Variants in MYO16 observed in about 807,000 individuals in gnomAD.
MYO16 encodes the protein unconventional myosin-XVI.
MYO16 carries 94 observed loss-of-function variants against 205.3 expected under a neutral mutation model. The ratio of observed to expected loss-of-function variants is 0.46; its 90% CI spans 0.39 to 0.54. The LOEUF (loss-of-function observed/expected upper bound fraction) is 0.54, where lower values mean the gene tolerates loss of function less well. MYO16 is among the 20% of genes least tolerant of loss of function. The pLI is 0.00. For missense variants in MYO16, 2,315 were observed against 2,387.5 expected, an observed-to-expected ratio of 0.97 and a Z score of 0.63; for synonymous variants, 988 against 954.0, an observed-to-expected ratio of 1.04 and a Z score of -0.66.
At chr13:109,004,566 T>G (rs1196791615) in intron 21 of MYO16, among the ~76,000 whole-genome samples, 1 of 152,190 alleles carries the variant, frequency 6.6e-6, no homozygotes, top group Non-Finnish European at 1.5e-5. Flanking sequence ...GCTTGAACAG[T>G]AGGGATGCCA....
intron 6 of MYO16, among the ~76,000 whole-genome samples, chr13:108,801,325 G>A (rs1051527410): frequency 6.6e-6 from 1 of 152,162 alleles, no homozygotes; most frequent in African/African-American, 2.4e-5. Flanking sequence ...CTAAGGGTCT[G>A]TGCAAATACA....
intron 5 of MYO16, 113 bp from the exon 6 acceptor site, chr13:108,793,403 G>A: frequency 1.0e-6 from 1 of 983,770 alleles, no homozygotes; most frequent in Non-Finnish European, 1.5e-6. Context: ...CAAAGTGGAA[G>A]AGAAGCTTCA....
intron 11 of MYO16, among the ~76,000 whole-genome samples, chr13:108,858,042 A>C (rs1369023833): frequency 6.6e-6 from 1 of 152,216 alleles, no homozygotes; most frequent in Non-Finnish European, 1.5e-5. Flanking sequence ...AATCCCCTCT[A>C]ATGGGTAGAC....
At chr13:109,097,155 C>A (rs539849254) in intron 27 of MYO16, among the ~76,000 whole-genome samples, 1 of 152,122 alleles carries the variant, frequency 6.6e-6, no homozygotes, top group Admixed American at 6.5e-5. Context: ...CATGTGAAAC[C>A]CTGTCTCTAC....
chr13:109,051,748 G>C (rs1391220432), intron 24 of MYO16, among the ~76,000 whole-genome samples: 3 of 152,080 alleles, frequency 2.0e-5, no homozygotes, highest in Non-Finnish European at 4.4e-5. Context: ...CAGCTTAACT[G>C]TGTTTTTTGT....
chr13:109,029,784 C>T (rs1166422815), intron 23 of MYO16, among the ~76,000 whole-genome samples: 5 of 152,170 alleles, frequency 3.3e-5, no homozygotes, highest in African/African-American at 1.2e-4. Flanking sequence ...ACTGCTGACA[C>T]GAATTTCCCC....
At chr13:108,670,436 G>A (rs999615325) in intron 2 of MYO16, among the ~76,000 whole-genome samples, 2 of 152,162 alleles carry the variant, frequency 1.3e-5, no homozygotes, top group Non-Finnish European at 2.9e-5. Context: ...GAGAATGGCA[G>A]ATGTGGTATG....
At chr13:108,554,568 A>G in the MYO16 span, among the ~76,000 whole-genome samples, 2 of 152,088 alleles carry the variant, frequency 1.3e-5, no homozygotes, top group African/African-American at 2.4e-5. Context: ...CATCTGTCTC[A>G]GCCGGGCGTG....
chr13:109,055,692 T>A lies in MYO16; in HGVS notation c.3335+97T>A. 3 of 1,090,770 alleles carry A rather than the reference T, an allele frequency of 2.8e-6. No homozygotes were observed. Among genetic ancestry groups the A allele is most frequent in the Non-Finnish European group, 4.0e-6 (3 of 744,460 alleles). 67.6% of individuals were successfully genotyped at this position (1,090,770 alleles called of 1,614,324 possible). A position where few individuals can be genotyped will look rare whatever the true frequency, so the allele number is the denominator to read the frequency against. Reference sequence around the variant, plus strand: ...GTAGCAAGGGTCTTCTGTTGTCTTTTTTGGCACTGCTTTTGTTGTTTACTT... The same window carrying A: ...GTAGCAAGGGTCTTCTGTTGTCTTTATTGGCACTGCTTTTGTTGTTTACTT... On this transcript the variant is annotated intron_variant, in intron 27 of 34. Coordinates refer to ENST00000457511, the MANE Select transcript of MYO16 (RefSeq NM_001198950.3). The surrounding 1 kb of genome is among the most constrained non-coding windows in gnomAD (Gnocchi z 5.0).
At chr13:108,992,197 G>T (rs1316391819) in intron 20 of MYO16, among the ~76,000 whole-genome samples, 179 bp from the exon 21 acceptor site, 2 of 151,932 alleles carry the variant, frequency 1.3e-5, no homozygotes, top group African/African-American at 2.4e-5. Context: ...TAACAGTTTT[G>T]GGGGGGCTAA....
At chr13:108,733,335 C>T (rs1213988237) in intron 4 of MYO16, among the ~76,000 whole-genome samples, 1 of 152,182 alleles carries the variant, frequency 6.6e-6, no homozygotes, top group African/African-American at 2.4e-5. Context: ...TAGTAACTCC[C>T]TTGATTCTCA....
chr13:108,755,953 G>A (rs897715557), intron 4 of MYO16, among the ~76,000 whole-genome samples: 7 of 152,108 alleles, frequency 4.6e-5, no homozygotes, highest in Admixed American at 1.3e-4. Context: ...AAGTGCTTCC[G>A]TTACTTCTGT....
upstream of MYO16, among the ~76,000 whole-genome samples, chr13:108,593,833 C>T (rs1383747096): frequency 1.3e-5 from 2 of 152,176 alleles, no homozygotes; most frequent in African/African-American, 2.4e-5. Flanking sequence ...TAGCATGTCA[C>T]GCCCTCTGTC....
chr13:108,946,206 G>C (rs765570925), intron 16 of MYO16, among the ~76,000 whole-genome samples: 2 of 151,186 alleles, frequency 1.3e-5, no homozygotes, highest in African/African-American at 2.4e-5. Flanking sequence ...TTGTATGTTT[G>C]TTTCTTATAC....
chr13:108,923,643 C>A (rs184207630), intron 16 of MYO16, among the ~76,000 whole-genome samples: 1 of 152,178 alleles, frequency 6.6e-6, no homozygotes, highest in Admixed American at 6.5e-5. Flanking sequence ...CCAATGCGGC[C>A]GGGGTGTTTG....
chr13:109,084,069 T>C lies in MYO16; in HGVS notation c.3336-16716T>C, dbSNP rs1888362930. Among the ~76,000 whole-genome samples, 3 of 152,256 alleles carry C rather than the reference T, an allele frequency of 2.0e-5. No homozygotes were observed. The South Asian group carries it at 6.2e-4, about 32-fold the overall frequency. On this transcript the variant is annotated intron_variant, in intron 27 of 34. Transcript: ENST00000457511. ...TGTTTCTAAATGTATTTTAGATGTT[T>C]AAAATTGATGTTAAGCAAATTGTCA...
intron 28 of MYO16, among the ~76,000 whole-genome samples, chr13:109,111,289 GCA>G (rs1004250578): frequency 1.3e-5 from 2 of 152,168 alleles, no homozygotes; most frequent in African/African-American, 4.8e-5. Flanking sequence ...TCTGAGATCA[GCA>G]GGAAGGAAAG....
chr13:108,992,973 A>C (rs1884886243), intron 21 of MYO16, among the ~76,000 whole-genome samples: 1 of 152,218 alleles, frequency 6.6e-6, no homozygotes, highest in Non-Finnish European at 1.5e-5. Context: ...TAGTCATCTT[A>C]ATAGCACTGC....
intron 4 of MYO16, among the ~76,000 whole-genome samples, chr13:108,751,920 GATGTA>G (rs1167792527): frequency 1.3e-5 from 2 of 152,164 alleles, no homozygotes; most frequent in Non-Finnish European, 2.9e-5. Flanking sequence ...AGGACTAAGA[GATGTA>G]ATGTAGTATC....
Sources: gnomAD v4.1 joint callset for allele counts (sites outside exome capture counted in the v4.1 genomes callset) on GRCh38, gnomAD v4.1.1 for gene constraint, Gnocchi (gnomAD v3.1) non-coding constraint, MANE v1.5 for transcripts, NCBI Gene and HGNC (gene_info 2026-07-23, HGNC 2026-07-21) for gene names.